MAP3K21: variants seen among roughly 807,000 people sequenced by gnomAD.
MAP3K21 encodes the protein mitogen-activated protein kinase kinase kinase MLK4.
In MAP3K21, 63 loss-of-function variants were observed where a neutral mutation model predicts 86.1. The ratio of observed to expected loss-of-function variants is 0.73; its 90% CI spans 0.60 to 0.90. MAP3K21 has a LOEUF of 0.90. Among genes scored for constraint, MAP3K21 ranks in the 40% least tolerant of loss-of-function variants. The pLI, the probability that MAP3K21 is intolerant of heterozygous loss-of-function variation, is 0.00. For synonymous variants in MAP3K21, 558 were observed against 564.8 expected, an observed-to-expected ratio of 0.99 and a Z score of 0.17; for missense variants, 1,220 against 1,367.7, an observed-to-expected ratio of 0.89 and a Z score of 1.70.
At chr1:233,358,903 G>A (rs545816136) in intron 4 of MAP3K21, among the ~76,000 whole-genome samples, 5 of 152,142 alleles carry the variant, frequency 3.3e-5, no homozygotes, top group South Asian at 2.1e-4. Flanking sequence ...TCCACCTCCC[G>A]AGTTCAAGTG....
chr1:233,376,515 G>A lies in MAP3K21; in HGVS notation c.1912G>A (p.Val638Met), dbSNP rs199676200. Residue 638 changes from valine to methionine, a missense_variant, in exon 8 of 10, where the codon GTG becomes ATG. Val to Met is a conservative substitution (Grantham distance 21). Transcript: ENST00000366624. ...QKTMPLASLF[V>M]DQPGSCEEPK... ...AACCATGCCCTTGGCTTCATTGTTTGTGGACCAGCCAGGTAAATGTGTTTC... is the reference window on the plus strand; with the variant it reads ...AACCATGCCCTTGGCTTCATTGTTTATGGACCAGCCAGGTAAATGTGTTTC... The A allele has an allele frequency of 2.5e-6, 4 of 1,611,722 alleles. No individual in the cohort carries two copies. Among genetic ancestry groups the A allele is most frequent in the South Asian group, 1.1e-5 (1 of 90,912 alleles).
intron 5 of MAP3K21, among the ~76,000 whole-genome samples, chr1:233,365,793 A>C (rs943497223): frequency 3.3e-5 from 5 of 152,218 alleles, no homozygotes; most frequent in African/African-American, 1.2e-4. Context: ...TCTCAAAAAA[A>C]AAACTAAAAA....
chr1:233,365,615 G>A (rs1481285608), intron 5 of MAP3K21, among the ~76,000 whole-genome samples: 2 of 152,090 alleles, frequency 1.3e-5, no homozygotes, highest in East Asian at 1.9e-4. Flanking sequence ...TCAAAGAGAC[G>A]AAAAATAGTA....
chr1:233,336,677 T>A (rs1488507159), intron 1 of MAP3K21, among the ~76,000 whole-genome samples: 2 of 152,256 alleles, frequency 1.3e-5, no homozygotes, highest in Non-Finnish European at 2.9e-5. Context: ...TAACATAGAT[T>A]TAACCCATAT....
At chr1:233,374,473 C>T (rs550538301) in intron 6 of MAP3K21, among the ~76,000 whole-genome samples, 24 of 152,212 alleles carry the variant, frequency 1.6e-4, no homozygotes, top group Non-Finnish European at 3.1e-4. Flanking sequence ...CGCACCCGGC[C>T]TAAGCACATT....
At chr1:233,334,868 ATTGT>A (rs1390457428) in intron 1 of MAP3K21, among the ~76,000 whole-genome samples, 2 of 152,146 alleles carry the variant, frequency 1.3e-5, no homozygotes, top group South Asian at 2.1e-4. Flanking sequence ...GTTTGACCAC[ATTGT>A]TTATCATTTA....
chr1:233,336,489 T>C (rs1558449844), intron 1 of MAP3K21, among the ~76,000 whole-genome samples: 1 of 151,736 alleles, frequency 6.6e-6, no homozygotes, highest in Non-Finnish European at 1.5e-5. Flanking sequence ...TGTAGTGAGC[T>C]GAAATTGTGC....
intron 2 of MAP3K21, among the ~76,000 whole-genome samples, chr1:233,348,469 A>G (rs1663189742): frequency 6.6e-6 from 1 of 152,178 alleles, no homozygotes; most frequent in African/African-American, 2.4e-5. Context: ...TTTTGTGAGA[A>G]CGTGTGTTTT....
chr1:233,358,976 A>T (rs1663418176), intron 4 of MAP3K21, among the ~76,000 whole-genome samples: 1 of 151,052 alleles, frequency 6.6e-6, no homozygotes, highest in East Asian at 2.0e-4. Flanking sequence ...CACCCGGCTA[A>T]TTTTTTTTGT....
At chr1:233,363,559 G>T (rs951210957) in intron 5 of MAP3K21, among the ~76,000 whole-genome samples, 1 of 152,014 alleles carries the variant, frequency 6.6e-6, no homozygotes, top group Admixed American at 6.6e-5. Context: ...AAAAGTAGCC[G>T]GGCATGGTGG....
intron 1 of MAP3K21, among the ~76,000 whole-genome samples, chr1:233,336,735 T>G (rs1401009611): frequency 6.6e-6 from 1 of 152,176 alleles, no homozygotes; most frequent in African/African-American, 2.4e-5. Flanking sequence ...AATTTTTCTT[T>G]GAAGATTCCA....
At chr1:233,358,039 C>T (rs1053745756) in intron 4 of MAP3K21, among the ~76,000 whole-genome samples, 5 of 151,228 alleles carry the variant, frequency 3.3e-5, no homozygotes, top group African/African-American at 9.7e-5. Flanking sequence ...TGTTGGCATT[C>T]GGGCTCTTGT....
rs139316117 is a variant in MAP3K21 at position 233,358,369 on chromosome 1, C to CA, written c.1311+3358_1311+3359insA. 8.6e-3 allele frequency among the ~76,000 whole-genome samples: 1,307 copies of CA among 152,180 alleles called. 12 individuals carry two copies. Among genetic ancestry groups the CA allele is most frequent in the African/African-American group, 0.03 (1,232 of 41,526 alleles). ...CACTGACTGGAATAGGTTTGACATC[C>CA]TGCAGTTCTGTGAAGCATTACTACC... On this transcript the variant is annotated intron_variant, in intron 4 of 9. Coordinates refer to ENST00000366624, the MANE Select transcript of MAP3K21 (RefSeq NM_032435.3).
rs1288380429 is a variant in MAP3K21, at chr1:233,379,711, G to A, written c.2704+1G>A. On this transcript the variant is annotated splice_donor_variant, in intron 9 of 9. Coordinates refer to ENST00000366624, the MANE Select transcript of MAP3K21 (RefSeq NM_032435.3). LOFTEE classifies it high-confidence loss of function. The stretch of plus-strand genomic sequence containing the variant: ...ATGTCTGATGGAAATCCGACCCCAA[G>A]TAGGTTGCATTAATTAGGTAAAAGC... 1 of 1,605,678 alleles carries A rather than the reference G, an allele frequency of 6.2e-7. No individual in the cohort carries two copies. Among genetic ancestry groups the A allele is most frequent in the Admixed American group, 1.7e-5 (1 of 59,946 alleles).
chr1:233,331,538 G>A (rs1415260348), intron 1 of MAP3K21, among the ~76,000 whole-genome samples: 1 of 152,172 alleles, frequency 6.6e-6, no homozygotes, highest in Non-Finnish European at 1.5e-5. Context: ...AGTATGTTTT[G>A]TTTGATTTTA....
chr1:233,355,025 T>G lies in MAP3K21; in HGVS notation c.1311+14T>G. 1 of 1,591,954 alleles carries G rather than the reference T, an allele frequency of 6.3e-7. No individual in the cohort carries two copies. The highest frequency in any genetic ancestry group is 8.6e-7 in the Non-Finnish European group (1 of 1,161,772). The stretch of plus-strand genomic sequence containing the variant: ...ACAAAGGAAAAGGTGAGAGAAATTT[T>G]TAAACAGCATAATGTACTCAAATTT... On this transcript the variant is annotated intron_variant, in intron 4 of 9. Transcript: ENST00000366624.
intron 9 of MAP3K21, 102 bp downstream of exon 9, chr1:233,379,812 T>A: frequency 1.1e-6 from 1 of 909,164 alleles, no homozygotes; most frequent in Non-Finnish European, 1.7e-6. Context: ...TGATGACATT[T>A]AATAATTTGT....
At chr1:233,363,702 C>CAAA (rs532871020) in intron 5 of MAP3K21, among the ~76,000 whole-genome samples, 15 of 90,568 alleles carry the variant, frequency 1.7e-4, no homozygotes, top group African/African-American at 3.0e-4. Context: ...AACTCTGTCT[C>CAAA]AAAAAAAAAA....
At chr1:233,341,879 C>T (rs565145827) in intron 1 of MAP3K21, among the ~76,000 whole-genome samples, 145 of 151,720 alleles carry the variant, frequency 9.6e-4, no homozygotes, top group Non-Finnish European at 1.8e-3. Context: ...AACTGCAAGC[C>T]ATTTTGATCA....
Sources: allele counts gnomAD v4.1 joint callset (sites outside exome capture counted in the v4.1 genomes callset), GRCh38; gene constraint gnomAD v4.1.1; transcripts MANE v1.5; gene names NCBI Gene and HGNC (gene_info 2026-07-23, HGNC 2026-07-21).